SLC25A42: variants seen among roughly 807,000 people sequenced by gnomAD.
The protein encoded by SLC25A42 is solute carrier family 25 member 42.
In SLC25A42, 19 loss-of-function variants were observed where a neutral mutation model predicts 34.7. The ratio of observed to expected loss-of-function variants is 0.55; its 90% CI spans 0.38 to 0.80. The LOEUF (loss-of-function observed/expected upper bound fraction) is 0.80. Among genes scored for constraint, SLC25A42 ranks in the 30% least tolerant of loss-of-function variants. SLC25A42 has a pLI of 0.00. For synonymous variants in SLC25A42, 205 were observed against 191.2 expected, an observed-to-expected ratio of 1.07 and a Z score of -0.59; for missense variants, 364 against 441.3, an observed-to-expected ratio of 0.82 and a Z score of 1.57.
chr19:19,095,424 G>A (rs1004157848), intron 1 of SLC25A42, among the ~76,000 whole-genome samples: 4 of 152,064 alleles, frequency 2.6e-5, no homozygotes, highest in Non-Finnish European at 5.9e-5. Context: ...GACTAGCCTG[G>A]CCAACATGGT....
At chr19:19,082,961 G>A (rs1272506936) in intron 1 of SLC25A42, among the ~76,000 whole-genome samples, 1 of 152,108 alleles carries the variant, frequency 6.6e-6, no homozygotes, top group Non-Finnish European at 1.5e-5. Flanking sequence ...TGGGACTACA[G>A]GTGCGTGCCA....
In SLC25A42 at chr19:19,067,131, C is replaced by T. The variant is rs367738910; in HGVS notation, c.-35+3016C>T. Among the ~76,000 whole-genome samples the T allele has an allele frequency of 3.0e-4, 45 of 151,792 alleles. No individual in the cohort carries two copies. In the East Asian group the frequency reaches 7.4e-3, roughly 25 times the overall value. ...TCCTGTGGCCAGCTCAGTTATCTTA[C>T]TATCAAGTTTTGTGGTCTGTCCCAT... is the stretch of plus-strand genomic sequence containing the variant. On this transcript the variant is annotated intron_variant, in intron 1 of 7. Coordinates refer to ENST00000318596, the MANE Select transcript of SLC25A42 (RefSeq NM_178526.5).
chr19:19,099,019 T>C (rs2059780583), intron 2 of SLC25A42, among the ~76,000 whole-genome samples: 1 of 152,168 alleles, frequency 6.6e-6, no homozygotes, highest in Non-Finnish European at 1.5e-5. Context: ...GCACTCTCCA[T>C]GGAATATTCC....
chr19:19,103,090 T>TTTTG (rs971207312), intron 3 of SLC25A42, among the ~76,000 whole-genome samples: 37 of 152,064 alleles, frequency 2.4e-4, no homozygotes, highest in African/African-American at 7.5e-4. Flanking sequence ...ATTTATTTAT[T>TTTTG]TTTGTTTGTT....
intron 1 of SLC25A42, among the ~76,000 whole-genome samples, chr19:19,082,924 T>G (rs1188585467): frequency 6.6e-6 from 1 of 151,834 alleles, no homozygotes; most frequent in Non-Finnish European, 1.5e-5. Flanking sequence ...TTCAAGTGAT[T>G]CTCCTGCCTC....
At chr19:19,105,958 C>T in intron 5 of SLC25A42, 2 of 562,978 alleles carry the variant, frequency 3.6e-6, no homozygotes, top group Non-Finnish European at 6.3e-6. Flanking sequence ...CCGTTTGTCT[C>T]CAGACGTTTC....
At chr19:19,069,617 G>T (rs980955006) in intron 1 of SLC25A42, among the ~76,000 whole-genome samples, 4 of 152,138 alleles carry the variant, frequency 2.6e-5, no homozygotes, top group Non-Finnish European at 4.4e-5. Flanking sequence ...TTGTATTAAT[G>T]TGGCTTTCTC....
chr19:19,099,282 A>G (rs903427047), intron 2 of SLC25A42, among the ~76,000 whole-genome samples: 3 of 152,062 alleles, frequency 2.0e-5, no homozygotes, highest in African/African-American at 7.2e-5. Flanking sequence ...TCAGAAACAA[A>G]ATCGCTGTGC....
chr19:19,086,936 A>C (rs1452187006), intron 1 of SLC25A42, among the ~76,000 whole-genome samples: 2 of 152,192 alleles, frequency 1.3e-5, no homozygotes, highest in Non-Finnish European at 2.9e-5. Context: ...ACTACAAACT[A>C]ATATAAAAAT....
chr19:19,067,527 G>A (rs2059608897), intron 1 of SLC25A42, among the ~76,000 whole-genome samples: 2 of 152,078 alleles, frequency 1.3e-5, no homozygotes, highest in Admixed American at 1.3e-4. Context: ...ATGCTGCAGT[G>A]AGCTATGATT....
Position 19,104,806 on chromosome 19 carries a change from G to C in SLC25A42, c.188-107G>C, listed in dbSNP as rs2059817431. ...GCTCCCATTCCTGGGACAAGATTGG[G>C]GGGAAAAGGAGGGTGACTCTGCTAG... On this transcript the variant is annotated intron_variant, in intron 3 of 7. Transcript: ENST00000318596. 3.9e-6 allele frequency: 5 copies of C among 1,286,806 alleles called. No individual in the cohort carries two copies. The South Asian group carries it at 6.1e-5, about 16-fold the overall frequency. 79.7% of individuals were successfully genotyped at this position (1,286,806 alleles called of 1,614,324 possible).
chr19:19,100,117 A>C (rs1259596197), intron 2 of SLC25A42, among the ~76,000 whole-genome samples: 1 of 151,884 alleles, frequency 6.6e-6, no homozygotes, highest in Non-Finnish European at 1.5e-5. Context: ...CGAGGCAGGC[A>C]GATCACTTGA....
intron 3 of SLC25A42, among the ~76,000 whole-genome samples, chr19:19,102,364 G>C (rs2059802642): frequency 6.6e-6 from 1 of 151,976 alleles, no homozygotes; most frequent in Admixed American, 6.6e-5. Flanking sequence ...GGGCTCAAGT[G>C]ATCCTCCTGC....
At position 19,111,020 on chromosome 19, in the gene SLC25A42, G is replaced by A; in HGVS notation, c.*144G>A. The A allele has an allele frequency of 1.1e-6, 1 of 912,932 alleles. No homozygotes were observed. The highest frequency in any genetic ancestry group is 1.6e-6 in the Non-Finnish European group (1 of 611,770). 56.6% of individuals were successfully genotyped at this position (912,932 alleles called of 1,614,324 possible). Reference sequence around the variant, plus strand: ...ACGAGCAGGTGGGCCTGAGGGGCCTGGGCTCAGAGTCCACGTCCAAACGCA... The same window carrying A: ...ACGAGCAGGTGGGCCTGAGGGGCCTAGGCTCAGAGTCCACGTCCAAACGCA... On this transcript the variant is annotated 3_prime_UTR_variant, in exon 8 of 8. Transcript: ENST00000318596.
At chr19:19,102,085 C>T (rs1230864112) in intron 3 of SLC25A42, among the ~76,000 whole-genome samples, 199 bp downstream of exon 3, 2 of 151,780 alleles carry the variant, frequency 1.3e-5, no homozygotes, top group Non-Finnish European at 1.5e-5. Context: ...CTTGGCTCAC[C>T]GCAAGCTCTG....
chr19:19,090,052 A>G (rs535923359), intron 1 of SLC25A42, among the ~76,000 whole-genome samples: 99 of 152,342 alleles, frequency 6.5e-4, no homozygotes, highest in South Asian at 4.8e-3. Context: ...CAAGTGGCCA[A>G]TCTAGTGTCC....
intron 2 of SLC25A42, among the ~76,000 whole-genome samples, chr19:19,097,064 A>G (rs2059769515): frequency 6.6e-6 from 1 of 152,212 alleles, no homozygotes; most frequent in Admixed American, 6.5e-5. Flanking sequence ...CTCTCAAAGC[A>G]ATTGGGTCAG....
At chr19:19,103,542 GC>G (rs2059809660) in intron 3 of SLC25A42, among the ~76,000 whole-genome samples, 1 of 152,192 alleles carries the variant, frequency 6.6e-6, no homozygotes, top group Non-Finnish European at 1.5e-5. Flanking sequence ...CTCAGACATA[GC>G]TTTTCAGAGG....
chr19:19,108,151 C>T (rs1015392278), intron 7 of SLC25A42, 106 bp downstream of exon 7: 15 of 1,335,464 alleles, frequency 1.1e-5, no homozygotes, highest in East Asian at 7.7e-5. Context: ...GAGTGGGGTA[C>T]GACCCCTGGG....
Sources: allele counts gnomAD v4.1 joint callset (sites outside exome capture counted in the v4.1 genomes callset), GRCh38; gene constraint gnomAD v4.1.1; transcripts MANE v1.5; gene names NCBI Gene and HGNC (gene_info 2026-07-23, HGNC 2026-07-21).